Variants in RDX observed in about 807,000 individuals in gnomAD.
RDX encodes deafness, autosomal recessive 24.
Under a neutral mutation model 83.7 loss-of-function variants are expected in RDX, and 32 were observed. The ratio of observed to expected loss-of-function variants is 0.38; its 90% confidence interval spans 0.29 to 0.51. The LOEUF (loss-of-function observed/expected upper bound fraction) is 0.51. Ranked by LOEUF, RDX falls within the 20% of genes least tolerant of loss-of-function variation. The pLI is 0.87. For synonymous variants in RDX, 229 were observed against 222.7 expected, an observed-to-expected ratio of 1.03 and a Z score of -0.25; for missense variants, 600 against 689.9, an observed-to-expected ratio of 0.87 and a Z score of 1.46.
intron 10 of RDX, among the ~76,000 whole-genome samples, chr11:110,240,212 A>G (rs1865028267): frequency 1.3e-5 from 2 of 152,240 alleles, no homozygotes; most frequent in Admixed American, 1.3e-4. Context: ...AGCCATAAAA[A>G]TAAATGAAAT....
At chr11:110,244,914 T>C (rs1489995898) in intron 10 of RDX, among the ~76,000 whole-genome samples, 1 of 151,972 alleles carries the variant, frequency 6.6e-6, no homozygotes, top group Non-Finnish European at 1.5e-5. Context: ...TTCGTAAAAA[T>C]TGAGCCTCAT....
intron 8 of RDX, among the ~76,000 whole-genome samples, chr11:110,255,006 G>A (rs982472811): frequency 2.0e-5 from 3 of 152,060 alleles, no homozygotes; most frequent in Non-Finnish European, 2.9e-5. Flanking sequence ...CTTTAAAATT[G>A]CTTCTTAGGA....
At chr11:110,240,619 C>G (rs1286673734) in intron 10 of RDX, among the ~76,000 whole-genome samples, 9 of 151,764 alleles carry the variant, frequency 5.9e-5, no homozygotes, top group Admixed American at 4.6e-4. Flanking sequence ...GTAGCGGGCG[C>G]CTGTAGTCCC....
intron 2 of RDX, among the ~76,000 whole-genome samples, chr11:110,273,929 T>C (rs952659797): frequency 6.6e-6 from 1 of 152,208 alleles, no homozygotes; most frequent in African/African-American, 2.4e-5. Context: ...TATGTATCTT[T>C]TTCCATCAGC....
intron 15 of RDX, among the ~76,000 whole-genome samples, chr11:110,180,656 T>G (rs1216847610): frequency 3.7e-5 from 1 of 27,136 alleles, no homozygotes; most frequent in African/African-American, 3.0e-4. Flanking sequence ...TCTCAGAACT[T>G]TTTTTTTTTT....
At chr11:110,178,479 T>G (rs1324156323) in intron 15 of RDX, among the ~76,000 whole-genome samples, 1 of 152,174 alleles carries the variant, frequency 6.6e-6, no homozygotes, top group Non-Finnish European at 1.5e-5. Flanking sequence ...ATTACATCAG[T>G]TGGCTTCTGC....
At position 110,231,809 on chromosome 11, in the gene RDX, G is replaced by C; in HGVS notation, c.*60C>G. On this transcript the variant is annotated 3_prime_UTR_variant, in exon 14 of 14. Coordinates refer to ENST00000645495, the MANE Select transcript of RDX (RefSeq NM_002906.4). Reference sequence around the variant, plus strand: ...GATGCATTCCATCATATCTGCAAAGGCCTGCTTTTCTCTGTTGGTGGTTCA... The same window carrying C: ...GATGCATTCCATCATATCTGCAAAGCCCTGCTTTTCTCTGTTGGTGGTTCA... The C allele has an allele frequency of 6.3e-7, 1 of 1,589,352 alleles. No homozygotes were observed. The highest frequency in any genetic ancestry group is 8.6e-7 in the Non-Finnish European group (1 of 1,162,082).
intron 3 of RDX, among the ~76,000 whole-genome samples, chr11:110,269,448 AAC>A (rs1370251339): frequency 6.6e-6 from 1 of 152,172 alleles, no homozygotes; most frequent in African/African-American, 2.4e-5. Context: ...AGAGTCCCCA[AAC>A]ACAGAGCAGC....
At chr11:110,192,122 C>T (rs1863114269) in intron 15 of RDX, among the ~76,000 whole-genome samples, 1 of 152,132 alleles carries the variant, frequency 6.6e-6, no homozygotes, top group African/African-American at 2.4e-5. Flanking sequence ...CATCACGTAA[C>T]CCAACTTCAA....
chr11:110,186,627 AAGTG>A (rs1276905741), intron 15 of RDX, among the ~76,000 whole-genome samples: 1 of 151,974 alleles, frequency 6.6e-6, no homozygotes, highest in Non-Finnish European at 1.5e-5. Context: ...CAGCCAATAA[AAGTG>A]AGTGACGCCC....
At position 110,243,027 on chromosome 11, in the gene RDX, A is replaced by C. The variant is rs1186582252; in HGVS notation, c.1090+4676T>G. On this transcript the variant is annotated intron_variant, in intron 10 of 13. Transcript: ENST00000645495. ...GCATGAAATATTTATCATCACTGGT[A>C]ATCAAGAAAATAAACTACAGACAGA... 2.6e-5 allele frequency among the ~76,000 whole-genome samples: 4 copies of C among 152,216 alleles called. No individual in the cohort carries two copies. The South Asian group carries it at 8.3e-4, about 32-fold the overall frequency.
At chr11:110,201,693 A>G (rs138187435) in intron 14 of RDX, among the ~76,000 whole-genome samples, 21 of 152,334 alleles carry the variant, frequency 1.4e-4, no homozygotes, top group Admixed American at 3.9e-4. Context: ...GCAAGAATAT[A>G]TATTAAATTA....
chr11:110,286,215 C>T (rs1022539805), intron 1 of RDX, among the ~76,000 whole-genome samples: 2 of 152,094 alleles, frequency 1.3e-5, no homozygotes, highest in African/African-American at 4.8e-5. Context: ...TTTTCCATAC[C>T]TACTCCTTCA....
chr11:110,178,635 A>G (rs893549877), intron 15 of RDX, among the ~76,000 whole-genome samples: 1 of 152,188 alleles, frequency 6.6e-6, no homozygotes, highest in Non-Finnish European at 1.5e-5. Context: ...TGGGGGGCAG[A>G]AAATATAAAA....
rs774105879 is a variant in RDX at position 110,255,310 on chromosome 11, C to T, written c.774G>A (p.Lys258=). ...ISFNDKKFVI[K]PIDKKAPDFV... ...TTACAGGTGCCTTTTTGTCGATTGG[C>T]TTTATAACAAATTTTTTGTCATTAA... Residue 258 remains lysine (K), a synonymous_variant, in exon 8 of 14, where the codon AAG becomes AAA. Coordinates refer to ENST00000645495, the MANE Select transcript of RDX (RefSeq NM_002906.4). The T allele has an allele frequency of 2.5e-6, 4 of 1,583,466 alleles. No homozygotes were observed. In the South Asian group the frequency reaches 4.4e-5, roughly 18 times the overall value.
chr11:110,284,093 G>A (rs962122893), intron 1 of RDX, among the ~76,000 whole-genome samples: 2 of 152,114 alleles, frequency 1.3e-5, no homozygotes, highest in Non-Finnish European at 2.9e-5. Context: ...TATTAATTAC[G>A]CATGCTAAGG....
intron 15 of RDX, among the ~76,000 whole-genome samples, chr11:110,188,740 C>G (rs1863037580): frequency 6.6e-6 from 1 of 152,146 alleles, no homozygotes; most frequent in African/African-American, 2.4e-5. Flanking sequence ...ATGCTATATC[C>G]TACCACACTA....
rs1859450158 is a variant in RDX at position 110,254,186 on chromosome 11, CAT to C, written c.796-79_796-78del. On this transcript the variant is annotated intron_variant, in intron 8 of 13. Coordinates refer to ENST00000645495, the MANE Select transcript of RDX (RefSeq NM_002906.4). Reference sequence around the variant, plus strand: ...CATAACAATCTGTACTAAATTTTAACATGAGGTATGAATTTTAATGTCATATT... The same window carrying C: ...CATAACAATCTGTACTAAATTTTAACGAGGTATGAATTTTAATGTCATATT... The C allele has an allele frequency of 5.7e-6, 7 of 1,224,948 alleles. No individual in the cohort carries two copies. The South Asian group carries it at 8.9e-5, about 16-fold the overall frequency. 75.9% of individuals were successfully genotyped at this position (1,224,948 alleles called of 1,614,324 possible). A position where few individuals can be genotyped will look rare whatever the true frequency, so the allele number is the denominator to read the frequency against.
In RDX at chr11:110,279,678, T is replaced by TA; in HGVS notation, c.12+2dup. ...ACTGTCAAATGTAATAAAATACACT[T>TA]ACTGGTTTCGGCATTTTCTTTCTCT... On this transcript the variant is annotated splice_region_variant and intron_variant, in intron 2 of 13. Coordinates refer to ENST00000645495, the MANE Select transcript of RDX (RefSeq NM_002906.4). 3 of 1,528,746 alleles carry TA rather than the reference T, an allele frequency of 2.0e-6. No homozygotes were observed. Among genetic ancestry groups the TA allele is most frequent in the Non-Finnish European group, 2.7e-6 (3 of 1,103,680 alleles). The allele number at this position is 1,528,746 out of a possible 1,614,324, so 94.7% of individuals were successfully genotyped here.
Sources: gnomAD v4.1 joint callset for allele counts (sites outside exome capture counted in the v4.1 genomes callset) on GRCh38, gnomAD v4.1.1 for gene constraint, MANE v1.5 for transcripts, NCBI Gene and HGNC (gene_info 2026-07-23, HGNC 2026-07-21) for gene names.